Variants in EBF2 observed in about 807,000 individuals in gnomAD.
EBF2 encodes EBF transcription factor 2, also known as transcription factor COE2.
Under a neutral mutation model 72.8 loss-of-function variants are expected in EBF2, and 21 were observed. The ratio of observed to expected loss-of-function variants is 0.29; its 90% confidence interval spans 0.20 to 0.42. EBF2 has a LOEUF of 0.42. EBF2 is among the 10% of genes least tolerant of loss of function. The pLI is 1.00. For synonymous variants in EBF2, 299 were observed against 274.2 expected (o/e 1.09, Z -0.89); for missense variants, 637 against 731.2 (o/e 0.87, Z 1.49).
chr8:25,984,663 CAG>C (rs894390701), intron 6 of EBF2, among the ~76,000 whole-genome samples: 9 of 151,184 alleles, frequency 6.0e-5, no homozygotes, highest in African/African-American at 2.2e-4. Flanking sequence ...GCCTGGGCGA[CAG>C]AGCAAGACTC....
intron 6 of EBF2, among the ~76,000 whole-genome samples, chr8:25,978,235 C>G (rs1460848779): frequency 6.6e-6 from 1 of 152,172 alleles, no homozygotes; most frequent in East Asian, 1.9e-4. Flanking sequence ...GATTAAAAAG[C>G]CAGGGAAGCC....
At chr8:26,021,621 A>G (rs1465329074) in intron 6 of EBF2, among the ~76,000 whole-genome samples, 1 of 152,258 alleles carries the variant, frequency 6.6e-6, no homozygotes, top group Non-Finnish European at 1.5e-5. Context: ...TATATCCCAA[A>G]TATTGCATGG....
chr8:25,906,721 C>G (rs1245900672), intron 7 of EBF2, among the ~76,000 whole-genome samples: 1 of 151,940 alleles, frequency 6.6e-6, no homozygotes, highest in Non-Finnish European at 1.5e-5. Flanking sequence ...GAGCCAAGAT[C>G]ATACCATTGC....
intron 6 of EBF2, among the ~76,000 whole-genome samples, chr8:25,944,929 C>T (rs1173486490): frequency 6.6e-6 from 1 of 151,764 alleles, no homozygotes; most frequent in African/African-American, 2.4e-5. Flanking sequence ...GACAGGATAC[C>T]AGTGTTCAGG....
Position 25,954,248 on chromosome 8 carries a change from C to T in EBF2, c.552-45693G>A, listed in dbSNP as rs115612426. On this transcript the variant is annotated intron_variant, in intron 6 of 15. Coordinates refer to ENST00000520164, the MANE Select transcript of EBF2 (RefSeq NM_022659.4). ...GAGTGATATCGGGCCACCTGGAAAC[C>T]CAAACTGCTTTCCTGGAGCCTCCAT... Among the ~76,000 whole-genome samples the T allele has an allele frequency of 5.5e-3, 842 of 152,272 alleles. 7 individuals are homozygous for T. The highest frequency in any genetic ancestry group is 0.019 in the African/African-American group (792 of 41,564).
At chr8:26,016,800 T>TA (rs1805117939) in intron 6 of EBF2, among the ~76,000 whole-genome samples, 1 of 152,150 alleles carries the variant, frequency 6.6e-6, no homozygotes, top group Non-Finnish European at 1.5e-5. Context: ...TCCTGAGTAA[T>TA]AAAGTCAAGA....
At position 25,915,617 on chromosome 8, in the gene EBF2, A is replaced by AG. The variant is rs1419109048; in HGVS notation, c.552-7063_552-7062insC. ...TAGCTTCAGCCTTTTGGAAAAAAAA[A>AG]AAAAAAAAAGGTTACTCAAGTGCAT... On this transcript the variant is annotated intron_variant, in intron 6 of 15. Coordinates refer to ENST00000520164, the MANE Select transcript of EBF2 (RefSeq NM_022659.4). Among the ~76,000 whole-genome samples the AG allele has an allele frequency of 6.9e-4, 104 of 151,812 alleles. 2 individuals carry two copies. Among genetic ancestry groups the AG allele is most frequent in the African/African-American group, 2.4e-3 (98 of 41,420 alleles).
At chr8:26,032,360 CAAAG>C (rs940732353) in intron 6 of EBF2, 1 of 152,014 alleles carries the variant, frequency 6.6e-6, no homozygotes, top group Non-Finnish European at 1.5e-5. Context: ...TGTGAAAACC[CAAAG>C]AAAGAAGCAA....
chr8:25,868,667 G>T (rs1802378155), intron 10 of EBF2, among the ~76,000 whole-genome samples: 1 of 152,038 alleles, frequency 6.6e-6, no homozygotes, highest in South Asian at 2.1e-4. Flanking sequence ...GTAGAGATGG[G>T]TTTTCACCAT....
chr8:26,041,348 C>A, intron 2 of EBF2: 1 of 299,470 alleles, frequency 3.3e-6, no homozygotes, highest in East Asian at 6.9e-5. Flanking sequence ...CTTAGGAAGC[C>A]CCAAGGCTTC....
chr8:25,969,445 G>C (rs1804159331), intron 6 of EBF2, among the ~76,000 whole-genome samples: 1 of 152,210 alleles, frequency 6.6e-6, no homozygotes, highest in South Asian at 2.1e-4. Flanking sequence ...CAGGAGTAAA[G>C]GCCTGCTGAC....
At chr8:25,880,613 C>T (rs1802591149) in intron 10 of EBF2, among the ~76,000 whole-genome samples, 1 of 152,058 alleles carries the variant, frequency 6.6e-6, no homozygotes, top group African/African-American at 2.4e-5. Context: ...TCTATATGTT[C>T]CTACAAAGCC....
chr8:25,850,760 G>C lies in EBF2; in HGVS notation c.1530C>G (p.Ile510Met). 6.4e-7 allele frequency: 1 copy of C among 1,557,080 alleles called. No individual in the cohort carries two copies. Among genetic ancestry groups the C allele is most frequent in the Non-Finnish European group, 8.6e-7 (1 of 1,159,532 alleles). Residue 510 changes from isoleucine (I) to methionine (M), a missense_variant and splice_region_variant, in exon 15 of 16, where the codon ATC (isoleucine) becomes ATG (methionine). By Grantham distance (10) the Ile-to-Met change is conservative (BLOSUM62 1). Around this residue, in one of 3 missense-constraint regions of EBF2, gnomAD observed 259 missense variants for 268.1 expected, o/e 0.97. Coordinates refer to ENST00000520164, the MANE Select transcript of EBF2 (RefSeq NM_022659.4). ...NGSPTGSPYG[I>M]MSSSPTVGSS... ...ACCCAACGGTGGGACTTGATGACAT[G>C]ACTGGAAAGCAAATGCACAATCCTC...
At chr8:25,906,465 T>C (rs1480469927) in intron 7 of EBF2, among the ~76,000 whole-genome samples, 1 of 152,174 alleles carries the variant, frequency 6.6e-6, no homozygotes, top group Non-Finnish European at 1.5e-5. Flanking sequence ...ATTTCTGTTT[T>C]TCTTCATACA....
rs1804448879 is a variant in EBF2 at position 25,986,024 on chromosome 8, A to AAAAAAAAAAAAT, written c.551+47060_551+47061insATTTTTTTTTTT. On this transcript the variant is annotated intron_variant, in intron 6 of 15. Coordinates refer to ENST00000520164, the MANE Select transcript of EBF2 (RefSeq NM_022659.4). ...CTCAAAAAAAAAAAAAAAAAAAAAAAAGTACATGAGGGGTTGGGAAGGTTT... is the reference window on the plus strand; with the variant it reads ...CTCAAAAAAAAAAAAAAAAAAAAAAAAAAAAAAAAAATAGTACATGAGGGGTTGGGAAGGTTT... Among the ~76,000 whole-genome samples, 2 of 144,218 alleles carry AAAAAAAAAAAAT rather than the reference A, an allele frequency of 1.4e-5. 1 individual carries two copies. Among genetic ancestry groups the AAAAAAAAAAAAT allele is most frequent in the Non-Finnish European group, 3.1e-5 (2 of 64,930 alleles). 94.6% of individuals were successfully genotyped at this position (144,218 alleles called of 152,430 possible). A position where few individuals can be genotyped will look rare whatever the true frequency, so the allele number is the denominator to read the frequency against.
At chr8:26,039,473 TGAGAAACTCCCCCGACAC>T (rs527481117) in intron 5 of EBF2, among the ~76,000 whole-genome samples, 92 of 152,230 alleles carry the variant, frequency 6.0e-4, no homozygotes, top group Admixed American at 1.2e-3. Flanking sequence ...CCTTCTGACC[TGAGAAACTCCCCCGACAC>T]GAGAACTCCT....
At chr8:25,997,779 G>A (rs1439422951) in intron 6 of EBF2, among the ~76,000 whole-genome samples, 2 of 152,038 alleles carry the variant, frequency 1.3e-5, no homozygotes, top group African/African-American at 2.4e-5. Context: ...AGACTATGGG[G>A]CAATCCCATA....
chr8:25,879,243 C>T (rs1460368295), intron 10 of EBF2, among the ~76,000 whole-genome samples: 1 of 152,062 alleles, frequency 6.6e-6, no homozygotes, highest in South Asian at 2.1e-4. Flanking sequence ...AATAAATATC[C>T]ATCCATGGCA....
intron 6 of EBF2, among the ~76,000 whole-genome samples, chr8:26,021,628 A>G (rs913836930): frequency 4.6e-5 from 7 of 152,246 alleles, no homozygotes; most frequent in African/African-American, 1.7e-4. Context: ...CAAATATTGC[A>G]TGGGACAAAC....
Sources: gnomAD v4.1 joint callset for allele counts (sites outside exome capture counted in the v4.1 genomes callset) on GRCh38, gnomAD v4.1.1 for gene constraint, gnomAD v4.1.1 regional missense constraint, MANE v1.5 for transcripts, NCBI Gene and HGNC (gene_info 2026-07-23, HGNC 2026-07-21) for gene names.